The following SMAD2 variants were observed in gnomAD, a reference collection of about 807,000 sequenced individuals.
SMAD2 encodes the protein SMAD family member 2, also known as MAD homolog 2.
In SMAD2, 8 loss-of-function variants were observed where a neutral mutation model predicts 64.4. The observed-to-expected ratio is 0.12, with a 90% confidence interval of 0.07 to 0.22. The LOEUF (loss-of-function observed/expected upper bound fraction) is 0.22. Among genes scored for constraint, SMAD2 ranks in the 10% least tolerant of loss-of-function variants. SMAD2 has a pLI of 1.00. For missense variants in SMAD2, 289 were observed against 561.2 expected, an observed-to-expected ratio of 0.51 and a Z score of 4.90; for synonymous variants, 203 against 195.8, an observed-to-expected ratio of 1.04 and a Z score of -0.31.
Position 47,900,353 on chromosome 18 carries a change from C to T in SMAD2, c.-53-3544G>A, listed in dbSNP as rs1023644268. ...GCCTACCCATATTGAATGATCCAGC[C>T]CTAACTACTCAAAATTTCTGCCTAC... On this transcript the variant is annotated intron_variant, in intron 1 of 10. Coordinates refer to ENST00000262160, the MANE Select transcript of SMAD2 (RefSeq NM_005901.6). 7.2e-5 allele frequency among the ~76,000 whole-genome samples: 11 copies of T among 152,146 alleles called. No homozygotes were observed. The East Asian group carries it at 1.9e-3, about 27-fold the overall frequency.
rs987836995 is a variant in SMAD2 at position 47,839,416 on chromosome 18, A to C, written c.*2411T>G. On this transcript the variant is annotated 3_prime_UTR_variant, in exon 11 of 11. Coordinates refer to ENST00000262160, the MANE Select transcript of SMAD2 (RefSeq NM_005901.6). ...CCACTGAGTATCTCCTACAGGCCTG[A>C]TAGTGGTATTACCTAGGACATTTAC... is the stretch of plus-strand genomic sequence containing the variant. 1 of 233,262 alleles carries C rather than the reference A, an allele frequency of 4.3e-6. No individual in the cohort carries two copies. The highest frequency in any genetic ancestry group is 8.5e-6 in the Non-Finnish European group (1 of 118,040). The allele number at this position is 233,262 out of a possible 1,614,324, so 14.4% of individuals were successfully genotyped here. A position where few individuals can be genotyped will look rare whatever the true frequency, so the allele number is the denominator to read the frequency against.
chr18:47,918,541 ACTT>A (rs953606357), intron 1 of SMAD2, among the ~76,000 whole-genome samples: 2 of 152,224 alleles, frequency 1.3e-5, no homozygotes, highest in African/African-American at 4.8e-5. Flanking sequence ...TTAGATCCCC[ACTT>A]CTTAAGAATT....
intron 2 of SMAD2, among the ~76,000 whole-genome samples, chr18:47,881,000 A>G (rs1171876924): frequency 6.6e-6 from 1 of 152,168 alleles, no homozygotes; most frequent in Non-Finnish European, 1.5e-5. Context: ...AGTCTTACCT[A>G]TGGTGCTTCA....
intron 1 of SMAD2, among the ~76,000 whole-genome samples, chr18:47,917,986 A>T (rs2034401958): frequency 6.6e-6 from 1 of 152,232 alleles, no homozygotes; most frequent in African/African-American, 2.4e-5. Context: ...ACTCTAGGCT[A>T]GCTGTAGGAA....
intron 1 of SMAD2, among the ~76,000 whole-genome samples, chr18:47,925,663 A>G (rs936955502): frequency 2.2e-4 from 34 of 152,214 alleles, no homozygotes; most frequent in Non-Finnish European, 1.5e-5. Context: ...ATGACAAGCA[A>G]TAAGCCTCTA....
intron 2 of SMAD2, among the ~76,000 whole-genome samples, chr18:47,885,429 A>C: frequency 6.6e-6 from 1 of 152,130 alleles, no homozygotes. Context: ...CAGCCTCCCA[A>C]AGTGCTGGGA....
At chr18:47,909,815 C>G (rs2034050795) in intron 1 of SMAD2, among the ~76,000 whole-genome samples, 1 of 152,156 alleles carries the variant, frequency 6.6e-6, no homozygotes, top group African/African-American at 2.4e-5. Context: ...GACAATGTCG[C>G]TGGTAACCCA....
At chr18:47,897,631 ATTT>A (rs1054721547) in intron 1 of SMAD2, among the ~76,000 whole-genome samples, 19 of 152,070 alleles carry the variant, frequency 1.2e-4, no homozygotes, top group Non-Finnish European at 5.9e-5. Context: ...TCTTGAAATT[ATTT>A]TTTTATTTTT....
intron 1 of SMAD2, among the ~76,000 whole-genome samples, chr18:47,917,829 A>G (rs1015881946): frequency 5.9e-5 from 9 of 152,190 alleles, no homozygotes; most frequent in African/African-American, 2.2e-4. Context: ...CTAGGATTAC[A>G]GGCATGAGCC....
intron 2 of SMAD2, among the ~76,000 whole-genome samples, chr18:47,887,388 G>A (rs2032966756): frequency 6.6e-6 from 1 of 152,084 alleles, no homozygotes; most frequent in Admixed American, 6.5e-5. Context: ...GAGAGAAAAG[G>A]GGCACGATCT....
intron 6 of SMAD2, among the ~76,000 whole-genome samples, chr18:47,855,135 A>G (rs1163816611): frequency 6.6e-6 from 1 of 152,226 alleles, no homozygotes; most frequent in African/African-American, 2.4e-5. Flanking sequence ...AAACTGACTT[A>G]AGCAAAATAA....
At position 47,821,274 on chromosome 18, in the gene SMAD2, G is replaced by A. The variant is rs1912563424; in HGVS notation, c.*20553C>T. 1 of 152,098 alleles carries A rather than the reference G, an allele frequency of 6.6e-6. No individual in the cohort carries two copies. Among genetic ancestry groups the A allele is most frequent in the Non-Finnish European group, 1.5e-5 (1 of 68,026 alleles). 9.4% of individuals were successfully genotyped at this position (152,098 alleles called of 1,614,324 possible). A position where few individuals can be genotyped will look rare whatever the true frequency, so the allele number is the denominator to read the frequency against. On this transcript the variant is annotated 3_prime_UTR_variant, in exon 11 of 11. Coordinates refer to ENST00000262160, the MANE Select transcript of SMAD2 (RefSeq NM_005901.6). ...TGCCTTTAGCTCTTTCTCCCCTTAA[G>A]AAGGTACATCTTTTTGTTTGGCAGG...
At position 47,818,924 on chromosome 18, in the gene SMAD2, G is replaced by A. The variant is rs532916173; in HGVS notation, c.*22903C>T. ...CTGTCTTTTATAAACCAGCAAGCCTGTATTACTATCGTATGACTAAAATTC... is the reference window on the plus strand; with the variant it reads ...CTGTCTTTTATAAACCAGCAAGCCTATATTACTATCGTATGACTAAAATTC... On this transcript the variant is annotated 3_prime_UTR_variant, in exon 11 of 11. Transcript: ENST00000262160. The A allele has an allele frequency of 6.6e-6, 1 of 152,292 alleles. No individual in the cohort carries two copies. The highest frequency in any genetic ancestry group is 2.1e-4 in the South Asian group (1 of 4,828). The allele number at this position is 152,292 out of a possible 1,614,324, so 9.4% of individuals were successfully genotyped here.
chr18:47,930,718 C>A (rs2034982952), upstream of SMAD2: 1 of 147,710 alleles, frequency 6.8e-6, no homozygotes, highest in African/African-American at 2.5e-5. Context: ...GCCGCCCGCA[C>A]GGCCGCGCCC....
intron 7 of SMAD2, among the ~76,000 whole-genome samples, chr18:47,849,697 A>G (rs1914904615): frequency 6.6e-6 from 1 of 152,092 alleles, no homozygotes; most frequent in South Asian, 2.1e-4. Context: ...TGCTATACAA[A>G]TATTTGTTAT....
In SMAD2 at chr18:47,821,406, A is replaced by G. The variant is rs1357103923; in HGVS notation, c.*20421T>C. On this transcript the variant is annotated 3_prime_UTR_variant, in exon 11 of 11. Coordinates refer to ENST00000262160, the MANE Select transcript of SMAD2 (RefSeq NM_005901.6). The stretch of plus-strand genomic sequence containing the variant: ...AAATGTTCTGTAGAAGGCCTAGAAA[A>G]GCAATGTTTTCCTCCAGTATAACTT... 2.0e-5 allele frequency: 3 copies of G among 152,224 alleles called. No individual in the cohort carries two copies. Among genetic ancestry groups the G allele is most frequent in the Non-Finnish European group, 2.9e-5 (2 of 68,012 alleles). 9.4% of individuals were successfully genotyped at this position (152,224 alleles called of 1,614,324 possible). A position where few individuals can be genotyped will look rare whatever the true frequency, so the allele number is the denominator to read the frequency against.
chr18:47,850,078 A>T (rs891695167), intron 7 of SMAD2, among the ~76,000 whole-genome samples: 15 of 144,734 alleles, frequency 1.0e-4, no homozygotes, highest in Non-Finnish European at 2.1e-4. Context: ...TTTTTTCCCG[A>T]TTATTTTCAA....
intron 1 of SMAD2, among the ~76,000 whole-genome samples, chr18:47,929,211 A>C (rs980528101): frequency 4.6e-5 from 7 of 152,232 alleles, no homozygotes; most frequent in Admixed American, 2.6e-4. Flanking sequence ...ACTCCATTTA[A>C]CTATTTGACT....
chr18:47,867,458 G>A (rs1486885984), intron 5 of SMAD2: 1 of 151,632 alleles, frequency 6.6e-6, no homozygotes, highest in African/African-American at 2.4e-5. Flanking sequence ...TAAGAATTTT[G>A]TAAATGCTCT....
Sources: allele counts gnomAD v4.1 joint callset (sites outside exome capture counted in the v4.1 genomes callset), GRCh38; gene constraint gnomAD v4.1.1; transcripts MANE v1.5; gene names NCBI Gene and HGNC (gene_info 2026-07-23, HGNC 2026-07-21).